The following ZNF83 variants were observed in gnomAD, a reference collection of about 807,000 sequenced individuals.
ZNF83 encodes zinc finger protein 83.
For missense variants in ZNF83, 552 were observed against 629.9 expected, an observed-to-expected ratio of 0.88 and a Z score of 1.32; for synonymous variants, 209 against 213.0, an observed-to-expected ratio of 0.98 and a Z score of 0.17.
chr19:52,620,264 A>G (rs369325621), intron 2 of ZNF83, among the ~76,000 whole-genome samples: 29,152 of 107,626 alleles, frequency 0.27, 3,533 homozygotes, highest in East Asian at 0.56. Flanking sequence ...CTGTGTGTGT[A>G]TATCTCTGTG....
exon 3 of ZNF83, chr19:52,613,229 G>A (rs1407202911): frequency 1.2e-6 from 2 of 1,613,654 alleles, no homozygotes; most frequent in South Asian, 1.1e-5. Context: ...TTCCGATGAT[G>A]TGCTAGGGAT....
chr19:52,614,943 G>A, intron 2 of ZNF83, 146 bp from the exon 3 acceptor site: 1 of 759,086 alleles, frequency 1.3e-6, no homozygotes, highest in Non-Finnish European at 1.8e-6. Flanking sequence ...TAACTTTTTG[G>A]AAAACAAAAG....
At chr19:52,632,542 T>C (rs1054036122) in intron 2 of ZNF83, among the ~76,000 whole-genome samples, 6 of 152,196 alleles carry the variant, frequency 3.9e-5, no homozygotes, top group African/African-American at 1.2e-4. Flanking sequence ...ATAAATGCCC[T>C]GCTCTTCTTT....
At chr19:52,613,845 C>A (rs780256998) in exon 3 of ZNF83, 22 of 1,613,950 alleles carry the variant, frequency 1.4e-5, no homozygotes, top group Non-Finnish European at 1.9e-5. Flanking sequence ...GACTGAACAC[C>A]TTGCCACATT....
chr19:52,655,318 C>T (rs1184472111), intron 3 of ZNF83: 3 of 384,656 alleles, frequency 7.8e-6, no homozygotes, highest in Non-Finnish European at 1.4e-5. Context: ...CTGCTTAGAG[C>T]AGGATGACGT....
At chr19:52,640,018 G>C (rs1257847500), upstream of ZNF83, among the ~76,000 whole-genome samples, 1 of 152,128 alleles carries the variant, frequency 6.6e-6, no homozygotes, top group East Asian at 1.9e-4. Flanking sequence ...GTCACACATA[G>C]TTCATCCTGG....
At chr19:52,666,309 T>C (rs111468338) in intron 1 of ZNF83, among the ~76,000 whole-genome samples, 10 of 152,168 alleles carry the variant, frequency 6.6e-5, no homozygotes, top group African/African-American at 2.4e-4. Context: ...GAAAACAGTA[T>C]ACCCTATTCC....
At chr19:52,683,530 G>GATCGCATCACCTGCTGGT (rs1296406561) in intron 1 of ZNF83, among the ~76,000 whole-genome samples, 1 of 83,580 alleles carries the variant, frequency 1.2e-5, no homozygotes, top group Non-Finnish European at 2.3e-5. Flanking sequence ...CCAAAGGGAA[G>GATCGCATCACCTGCTGGT]GGCAAAGTCC....
rs188299627 is a variant in ZNF83 at position 52,619,105 on chromosome 19, T to A, written c.-233-4308A>T. 7.5e-4 allele frequency: 1,199 copies of A among 1,605,862 alleles called. 3 individuals are homozygous for A. The highest frequency in any genetic ancestry group is 6.5e-3 in the African/African-American group (473 of 72,738). On this transcript the variant is annotated intron_variant, in intron 2 of 2. Coordinates refer to ENST00000301096, the Ensembl canonical transcript of ZNF83. ...TTTAACCAAATGGTTATGGGAGGAG[T>A]TCTTATCTTTACAGAAAATGAGGAG...
chr19:52,687,926 G>C (rs908208108), intron 1 of ZNF83, among the ~76,000 whole-genome samples: 1 of 151,864 alleles, frequency 6.6e-6, no homozygotes, highest in African/African-American at 2.4e-5. Context: ...GAAAAGGGAA[G>C]AGAGTAACTT....
intron 1 of ZNF83, among the ~76,000 whole-genome samples, chr19:52,683,601 G>A (rs926751705): frequency 1.3e-4 from 19 of 151,804 alleles, no homozygotes; most frequent in Non-Finnish European, 2.9e-5. Flanking sequence ...CCTGGGAGCT[G>A]GAGTGAGGCA....
chr19:52,613,491 T>G (rs1168695059), exon 3 of ZNF83: 1 of 1,614,126 alleles, frequency 6.2e-7, no homozygotes, highest in Non-Finnish European at 8.5e-7. Flanking sequence ...GGGCAAGGTA[T>G]GAATTGCGAC....
intron 1 of ZNF83, among the ~76,000 whole-genome samples, chr19:52,672,071 T>G (rs1448799341): frequency 5.9e-5 from 9 of 151,980 alleles, no homozygotes; most frequent in Admixed American, 3.9e-4. Context: ...CCATCTGTAC[T>G]AAAAATACAA....
chr19:52,653,651 A>G (rs1349568030), intron 3 of ZNF83, among the ~76,000 whole-genome samples: 1 of 152,188 alleles, frequency 6.6e-6, no homozygotes, highest in Admixed American at 6.5e-5. Flanking sequence ...TTACACTTGT[A>G]AGGTTTTTCT....
intron 2 of ZNF83, among the ~76,000 whole-genome samples, chr19:52,620,453 G>A (rs1411316128): frequency 6.6e-6 from 1 of 152,146 alleles, no homozygotes; most frequent in East Asian, 1.9e-4. Flanking sequence ...GGAATCCTCA[G>A]ATATCTGTAG....
intron 1 of ZNF83, among the ~76,000 whole-genome samples, chr19:52,637,535 TC>T (rs1295378303): frequency 2.6e-5 from 4 of 152,212 alleles, no homozygotes; most frequent in Admixed American, 2.6e-4. Flanking sequence ...TCTTTTTTTT[TC>T]TTTTCACTTT....
rs925651282 is a variant in ZNF83 at position 52,677,131 on chromosome 19, A to G, written c.-283+13312T>C. 2.9e-4 allele frequency among the ~76,000 whole-genome samples: 13 copies of G among 44,868 alleles called. No individual in the cohort carries two copies. In the African/African-American group the frequency reaches 3.7e-3, roughly 13 times the overall value. The allele number at this position is 44,868 out of a possible 152,430, so 29.4% of individuals were successfully genotyped here. ...CACCCAAGAATGATCAATTAAAAAA[A>G]AAAAGAAAAAAAGAAAAAAAAATAA... On this transcript the variant is annotated intron_variant, in intron 1 of 5. Transcript: ENST00000594682.
intron 1 of ZNF83, among the ~76,000 whole-genome samples, chr19:52,676,139 C>T (rs537969351): frequency 1.3e-3 from 200 of 152,302 alleles, no homozygotes; most frequent in Non-Finnish European, 2.5e-3. Flanking sequence ...CGCCGCCACG[C>T]CTGACTGGTT....
At chr19:52,660,985 G>A (rs1183199250) in intron 1 of ZNF83, 1 of 152,242 alleles carries the variant, frequency 6.6e-6, no homozygotes, top group Non-Finnish European at 1.5e-5. Flanking sequence ...TTGCCTCAGT[G>A]TACCAAGTAG....
Sources: allele counts gnomAD v4.1 joint callset (sites outside exome capture counted in the v4.1 genomes callset), GRCh38; gene constraint gnomAD v4.1.1; transcripts MANE v1.5; gene names NCBI Gene and HGNC (gene_info 2026-07-23, HGNC 2026-07-21).